Variants in SRRM4 observed in about 807,000 individuals in gnomAD.
The protein encoded by SRRM4 is serine/arginine repetitive matrix protein 4.
SRRM4 carries 33 observed loss-of-function variants against 68.9 expected under a neutral mutation model. The ratio of observed to expected loss-of-function variants is 0.48; its 90% CI spans 0.36 to 0.64. The LOEUF (loss-of-function observed/expected upper bound fraction) is 0.64, where lower values mean the gene tolerates loss of function less well. SRRM4 is among the 30% of genes least tolerant of loss of function. The pLI is 0.00. For missense variants in SRRM4, 817 were observed against 827.1 expected, an observed-to-expected ratio of 0.99 and a Z score of 0.15; for synonymous variants, 318 against 318.8, an observed-to-expected ratio of 1.00 and a Z score of 0.03.
chr12:119,076,241 G>A (rs1953915345), intron 1 of SRRM4, among the ~76,000 whole-genome samples: 1 of 152,172 alleles, frequency 6.6e-6, no homozygotes, highest in Non-Finnish European at 1.5e-5. Flanking sequence ...ACCAGCCACT[G>A]TGCTTAGCAT....
intron 10 of SRRM4, 129 bp from the exon 11 acceptor site, chr12:119,153,410 G>T: frequency 1.6e-6 from 1 of 625,820 alleles, no homozygotes; most frequent in Non-Finnish European, 2.8e-6. Flanking sequence ...TCGGGGCCCA[G>T]TTCCTCTGCC....
At chr12:119,075,893 A>G (rs1196130033) in intron 1 of SRRM4, among the ~76,000 whole-genome samples, 1 of 91,938 alleles carries the variant, frequency 1.1e-5, no homozygotes, top group South Asian at 3.6e-4. Context: ...AGTGATGATG[A>G]TGGTAGCGAT....
intron 1 of SRRM4, among the ~76,000 whole-genome samples, chr12:119,095,662 T>C (rs543169635): frequency 6.6e-6 from 1 of 152,248 alleles, no homozygotes; most frequent in South Asian, 2.1e-4. Flanking sequence ...GTTTGTGGAA[T>C]ATAAGATTCA....
chr12:119,137,826 G>A (rs531978677), intron 8 of SRRM4, among the ~76,000 whole-genome samples: 2 of 152,250 alleles, frequency 1.3e-5, no homozygotes, highest in Non-Finnish European at 2.9e-5. Flanking sequence ...GTCTGGATAT[G>A]GTTTAATGGA....
chr12:119,049,841 C>G (rs986338773), intron 1 of SRRM4, among the ~76,000 whole-genome samples: 3 of 152,152 alleles, frequency 2.0e-5, no homozygotes, highest in African/African-American at 7.2e-5. Flanking sequence ...ATATCTGTGT[C>G]CTAACCTCCT....
At chr12:119,115,621 T>C (rs1257200482) in intron 3 of SRRM4, among the ~76,000 whole-genome samples, 2 of 152,290 alleles carry the variant, frequency 1.3e-5, no homozygotes, top group African/African-American at 4.8e-5. Flanking sequence ...GGATGAAGAC[T>C]CTGAGTCCTA....
chr12:119,097,894 T>C (rs1034803691), intron 1 of SRRM4, among the ~76,000 whole-genome samples: 1 of 152,230 alleles, frequency 6.6e-6, no homozygotes, highest in Non-Finnish European at 1.5e-5. Context: ...ACCATGTGTT[T>C]ATTCAATGCT....
chr12:119,039,639 G>A (rs2136010749), intron 1 of SRRM4, among the ~76,000 whole-genome samples: 1 of 152,266 alleles, frequency 6.6e-6, no homozygotes, highest in African/African-American at 2.4e-5. Flanking sequence ...AACTAAGATT[G>A]TTGGACACCT....
chr12:119,024,582 C>G (rs937151188), intron 1 of SRRM4, among the ~76,000 whole-genome samples: 6 of 152,194 alleles, frequency 3.9e-5, no homozygotes, highest in Non-Finnish European at 1.5e-5. Context: ...CTGGGTGCCC[C>G]CTCCCCTAAC....
intron 1 of SRRM4, among the ~76,000 whole-genome samples, chr12:119,070,988 G>A: frequency 6.6e-6 from 1 of 152,220 alleles, no homozygotes; most frequent in African/African-American, 2.4e-5. Context: ...AGCTGATGAA[G>A]CTGGATGCTT....
intron 1 of SRRM4, chr12:119,001,507 A>G (rs944310227): frequency 6.6e-6 from 1 of 152,218 alleles, no homozygotes; most frequent in African/African-American, 2.4e-5. Context: ...CTTTCTCTGT[A>G]TGAGTGGAAG....
intron 1 of SRRM4, among the ~76,000 whole-genome samples, chr12:119,049,503 T>A (rs1953727932): frequency 6.6e-6 from 1 of 152,212 alleles, no homozygotes; most frequent in Non-Finnish European, 1.5e-5. Flanking sequence ...AGAAGAGGAC[T>A]GACATAATCT....
chr12:118,995,644 T>C (rs990856800), intron 1 of SRRM4, among the ~76,000 whole-genome samples: 1 of 152,228 alleles, frequency 6.6e-6, no homozygotes, highest in African/African-American at 2.4e-5. Flanking sequence ...AGAATAAGTC[T>C]TTCTTGAGTG....
chr12:119,141,782 C>T (rs1365437), intron 8 of SRRM4, among the ~76,000 whole-genome samples: 9,032 of 152,166 alleles, frequency 0.059, 664 homozygotes, highest in African/African-American at 0.17. Context: ...GTCAGAGAGA[C>T]GGCCAATAAA....
At chr12:119,037,890 C>T (rs545124507) in intron 1 of SRRM4, among the ~76,000 whole-genome samples, 4 of 152,260 alleles carry the variant, frequency 2.6e-5, no homozygotes, top group East Asian at 1.9e-4. Flanking sequence ...TCAGCTTCCT[C>T]AACTGTAAAA....
intron 7 of SRRM4, among the ~76,000 whole-genome samples, chr12:119,125,957 G>A (rs1010341465): frequency 1.3e-5 from 2 of 150,646 alleles, no homozygotes; most frequent in African/African-American, 4.9e-5. Flanking sequence ...AGAAAGGGCT[G>A]GAGACCAAAA....
intron 1 of SRRM4, among the ~76,000 whole-genome samples, chr12:119,019,194 T>A (rs1953499241): frequency 6.6e-6 from 1 of 152,192 alleles, no homozygotes; most frequent in Admixed American, 6.5e-5. Flanking sequence ...ATAAATCAAA[T>A]TCTAATTCAA....
chr12:119,140,844 C>T (rs941895727), intron 8 of SRRM4, among the ~76,000 whole-genome samples: 2 of 152,230 alleles, frequency 1.3e-5, no homozygotes, highest in African/African-American at 4.8e-5. Context: ...GAACAGAGGG[C>T]TTTCTTTCTC....
At chr12:119,055,582 G>A (rs368190139) in intron 1 of SRRM4, among the ~76,000 whole-genome samples, 2 of 152,298 alleles carry the variant, frequency 1.3e-5, no homozygotes, top group East Asian at 1.9e-4. Flanking sequence ...GTTTCAAAGA[G>A]GGCATGCTAT....
Sources: gnomAD v4.1 joint callset for allele counts (sites outside exome capture counted in the v4.1 genomes callset) on GRCh38, gnomAD v4.1.1 for gene constraint, MANE v1.5 for transcripts, NCBI Gene and HGNC (gene_info 2026-07-23, HGNC 2026-07-21) for gene names.